Variants in GPR158 observed in about 807,000 individuals in gnomAD.
GPR158 encodes the protein G protein-coupled receptor 158, also known as metabotropic glycine receptor.
Under a neutral mutation model 78.2 loss-of-function variants are expected in GPR158, and 30 were observed. That is an observed-to-expected ratio of 0.38 (90% CI 0.29 to 0.52). The LOEUF (loss-of-function observed/expected upper bound fraction) is 0.52. Among genes scored for constraint, GPR158 ranks in the 20% least tolerant of loss-of-function variants. The pLI is 0.83. For missense variants in GPR158, 1,463 were observed against 1,523.5 expected, an observed-to-expected ratio of 0.96 and a Z score of 0.66; for synonymous variants, 581 against 591.1, an observed-to-expected ratio of 0.98 and a Z score of 0.25.
intron 2 of GPR158, among the ~76,000 whole-genome samples, chr10:25,328,647 C>T (rs1261662194): frequency 2.0e-5 from 3 of 151,866 alleles, no homozygotes; most frequent in South Asian, 4.2e-4. Context: ...AATCAATTGG[C>T]CGGGCGTGGT....
chr10:25,284,445 T>C (rs1854318799), intron 2 of GPR158, among the ~76,000 whole-genome samples: 1 of 151,950 alleles, frequency 6.6e-6, no homozygotes, highest in African/African-American at 2.4e-5. Context: ...CCTATTCTAG[T>C]TTTGTTTTAA....
At chr10:25,200,445 T>C (rs1852906493) in intron 1 of GPR158, among the ~76,000 whole-genome samples, 1 of 152,200 alleles carries the variant, frequency 6.6e-6, no homozygotes, top group Admixed American at 6.5e-5. Flanking sequence ...TTTGCAAATA[T>C]TTTCTCCCAT....
intron 1 of GPR158, among the ~76,000 whole-genome samples, chr10:25,192,461 G>C (rs1447904533): frequency 6.6e-6 from 1 of 152,142 alleles, no homozygotes; most frequent in Admixed American, 6.5e-5. Context: ...TAGTGTCTAG[G>C]AGGAGGGGTT....
intron 4 of GPR158, among the ~76,000 whole-genome samples, chr10:25,419,858 A>G (rs544875734): frequency 1.2e-4 from 19 of 152,160 alleles, no homozygotes; most frequent in African/African-American, 3.6e-4. Flanking sequence ...TCACAAGTCT[A>G]TGTTATGGTT....
chr10:25,348,409 A>G (rs1855404600), intron 2 of GPR158, among the ~76,000 whole-genome samples: 1 of 149,808 alleles, frequency 6.7e-6, no homozygotes, highest in Non-Finnish European at 1.5e-5. Context: ...ACACACACAC[A>G]CACACACACA....
At chr10:25,232,948 G>A (rs886432377) in intron 2 of GPR158, among the ~76,000 whole-genome samples, 2 of 152,148 alleles carry the variant, frequency 1.3e-5, no homozygotes, top group African/African-American at 4.8e-5. Context: ...ACAAATAAGA[G>A]TAAGGCTGGA....
intron 2 of GPR158, among the ~76,000 whole-genome samples, chr10:25,368,479 G>C (rs989079557): frequency 2.0e-5 from 3 of 151,662 alleles, no homozygotes; most frequent in Admixed American, 2.0e-4. Flanking sequence ...TGATCATATG[G>C]AAAAAATCTC....
At chr10:25,359,642 T>A (rs1365829598) in intron 2 of GPR158, among the ~76,000 whole-genome samples, 1 of 152,232 alleles carries the variant, frequency 6.6e-6, no homozygotes, top group Admixed American at 6.5e-5. Flanking sequence ...CCACGTTTTC[T>A]TTATCCAGTC....
In GPR158 at chr10:25,412,413, C is replaced by T; in HGVS notation, c.1275C>T (p.Ala425=). ...GACTTGCCATCATCTCCTTCCAAGC[C>T]CTGTGTATGCTGCTCGACTTCGTTA... ...YLRLAIISFQ[A]LCMLLDFVSM... The change falls in exon 4 of 11, where the codon GCC becomes GCT. Residue 425 remains alanine, a synonymous_variant. Transcript: ENST00000376351. The T allele has an allele frequency of 6.2e-7, 1 of 1,614,006 alleles. No individual in the cohort carries two copies. Among genetic ancestry groups the T allele is most frequent in the Non-Finnish European group, 8.5e-7 (1 of 1,179,864 alleles).
At chr10:25,198,353 CT>C (rs1159340105) in intron 1 of GPR158, among the ~76,000 whole-genome samples, 1 of 152,196 alleles carries the variant, frequency 6.6e-6, no homozygotes, top group Non-Finnish European at 1.5e-5. Context: ...TGGCAAGCTT[CT>C]CTGGACATGT....
At chr10:25,288,558 A>G (rs150144677) in intron 2 of GPR158, among the ~76,000 whole-genome samples, 187 of 152,256 alleles carry the variant, frequency 1.2e-3, no homozygotes, top group Middle Eastern at 3.4e-3. Flanking sequence ...GCTAAGGTTT[A>G]TTTATTTATA....
chr10:25,351,655 G>A (rs1305887561), intron 2 of GPR158, among the ~76,000 whole-genome samples: 1 of 149,818 alleles, frequency 6.7e-6, no homozygotes, highest in Non-Finnish European at 1.5e-5. Flanking sequence ...CTGCTTTTAA[G>A]GGTGACACCC....
intron 2 of GPR158, among the ~76,000 whole-genome samples, chr10:25,384,466 A>C (rs1276984966): frequency 6.6e-6 from 1 of 152,226 alleles, no homozygotes; most frequent in Non-Finnish European, 1.5e-5. Context: ...GTTCAGAAGA[A>C]GATGTTAAAT....
chr10:25,385,891 T>C (rs1347247410), intron 2 of GPR158, among the ~76,000 whole-genome samples: 1 of 152,196 alleles, frequency 6.6e-6, no homozygotes, highest in Non-Finnish European at 1.5e-5. Context: ...AAATGTTTTC[T>C]CCCATTCTGT....
chr10:25,576,057 GTT>G (rs11306607), intron 7 of GPR158, among the ~76,000 whole-genome samples: 2 of 149,462 alleles, frequency 1.3e-5, no homozygotes, highest in Non-Finnish European at 3.0e-5. Context: ...TTCTGTTGTT[GTT>G]TTTTTTTTCC....
Position 25,535,199 on chromosome 10 carries a change from C to T in GPR158, c.1405-15777C>T, listed in dbSNP as rs73610304. On this transcript the variant is annotated intron_variant, in intron 5 of 10. Coordinates refer to ENST00000376351, the MANE Select transcript of GPR158 (RefSeq NM_020752.3). ...TAAATAACTAATAGCTCCAATGTTC[C>T]CTACCTCCTGGTAATCATGGCCTAT... 3.6e-3 allele frequency among the ~76,000 whole-genome samples: 541 copies of T among 152,264 alleles called. 6 individuals carry two copies. The highest frequency in any genetic ancestry group is 0.012 in the African/African-American group (503 of 41,552).
At chr10:25,243,565 T>G (rs1234639887) in intron 2 of GPR158, among the ~76,000 whole-genome samples, 1 of 152,202 alleles carries the variant, frequency 6.6e-6, no homozygotes, top group Non-Finnish European at 1.5e-5. Flanking sequence ...CAAACTAGAT[T>G]AGATATCACC....
intron 4 of GPR158, among the ~76,000 whole-genome samples, chr10:25,417,523 A>T (rs1449146659): frequency 6.6e-6 from 1 of 152,180 alleles, no homozygotes; most frequent in African/African-American, 2.4e-5. Flanking sequence ...GATCTTGAAA[A>T]ATAGGAGGGC....
At chr10:25,279,898 G>GGGCT (rs1023923887) in intron 2 of GPR158, among the ~76,000 whole-genome samples, 1 of 151,648 alleles carries the variant, frequency 6.6e-6, no homozygotes, top group African/African-American at 2.4e-5. Context: ...CCTAACCACT[G>GGGCT]GGCTGTACCA....
Sources: allele counts gnomAD v4.1 joint callset (sites outside exome capture counted in the v4.1 genomes callset), GRCh38; gene constraint gnomAD v4.1.1; transcripts MANE v1.5; gene names NCBI Gene and HGNC (gene_info 2026-07-23, HGNC 2026-07-21).